SNED1: variants seen among roughly 807,000 people sequenced by gnomAD.
SNED1 encodes the protein sushi, nidogen and EGF-like domain-containing protein 1.
In SNED1, 81 loss-of-function variants were observed where a neutral mutation model predicts 166.7. The observed-to-expected ratio is 0.49, with a 90% CI of 0.41 to 0.58. The LOEUF is 0.58. Ranked by LOEUF, SNED1 falls within the 20% of genes least tolerant of loss-of-function variation. SNED1 has a pLI of 0.00. For missense variants in SNED1, 1,604 were observed against 2,000.2 expected (o/e 0.80, Z 3.78); for synonymous variants, 762 against 822.0 (o/e 0.93, Z 1.25).
intron 1 of SNED1, among the ~76,000 whole-genome samples, chr2:241,023,950 C>T (rs80286486): frequency 0.037 from 4,415 of 120,190 alleles, 86 homozygotes; most frequent in Middle Eastern, 0.09. Flanking sequence ...AGTGCAGTGA[C>T]GGAATCTCTG....
intron 31 of SNED1, among the ~76,000 whole-genome samples, chr2:241,090,868 CAAAAA>C (rs371271027): frequency 2.0e-5 from 2 of 100,792 alleles, no homozygotes; most frequent in African/African-American, 3.8e-5. Flanking sequence ...CCCTCTGTCT[CAAAAA>C]AAAAAAAAAA....
chr2:241,078,177 GT>G lies in SNED1; in HGVS notation c.3917-3498del, dbSNP rs564361827. Among the ~76,000 whole-genome samples the G allele has an allele frequency of 4.0e-3, 608 of 151,958 alleles. 13 individuals are homozygous for G. The highest frequency in any genetic ancestry group is 0.013 in the African/African-American group (552 of 41,296). ...AGGCGGGCAGATCACCAGGTCAGGC[GT>G]TCGAGACAAGTCTGGCCAACGCGGT... On this transcript the variant is annotated intron_variant, in intron 27 of 31. Coordinates refer to ENST00000310397, the MANE Select transcript of SNED1 (RefSeq NM_001080437.3).
chr2:241,066,552 A>G (rs1263105255), intron 21 of SNED1, among the ~76,000 whole-genome samples: 2 of 151,508 alleles, frequency 1.3e-5, no homozygotes, highest in Non-Finnish European at 2.9e-5. Flanking sequence ...AGGAGCAAGA[A>G]TGGGGAAGGG....
Position 241,030,388 on chromosome 2 carries a change from A to G in SNED1, c.318A>G (p.Ala106=). The change falls in exon 2 of 32, where the codon GCA becomes GCG. Residue 106 remains alanine, a synonymous_variant. Transcript: ENST00000310397. ...KDRCVVAAFW[A]DVDNRRAGDV... ...GCTGCGTGGTGGCAGCCTTCTGGGC[A>G]GATGTGGACAACCGGCGTGCAGGCG... 1 of 1,612,884 alleles carries G rather than the reference A, an allele frequency of 6.2e-7. No individual in the cohort carries two copies. The highest frequency in any genetic ancestry group is 8.5e-7 in the Non-Finnish European group (1 of 1,179,518).
At chr2:241,077,467 A>G (rs1369623189) in intron 27 of SNED1, among the ~76,000 whole-genome samples, 1 of 152,200 alleles carries the variant, frequency 6.6e-6, no homozygotes, top group Non-Finnish European at 1.5e-5. Context: ...GGATGCCATC[A>G]AGGAAGTGAC....
intron 31 of SNED1, 86 bp downstream of exon 31, chr2:241,088,488 G>A (rs898931023): frequency 8.2e-5 from 89 of 1,086,544 alleles, no homozygotes; most frequent in Non-Finnish European, 1.2e-4. Context: ...TCAGAGTGCC[G>A]CTGCCTGCTT....
intron 1 of SNED1, among the ~76,000 whole-genome samples, chr2:241,009,752 C>G (rs1004075872): frequency 1.1e-4 from 16 of 152,164 alleles, no homozygotes; most frequent in African/African-American, 3.1e-4. Context: ...GGTGGTAGCT[C>G]TCTTCCCTCC....
At chr2:241,001,926 A>C (rs1039787363) in intron 1 of SNED1, among the ~76,000 whole-genome samples, 5 of 151,914 alleles carry the variant, frequency 3.3e-5, no homozygotes, top group Non-Finnish European at 7.4e-5. Flanking sequence ...AGTCAGACTG[A>C]CCCTCGCTGG....
At chr2:241,036,297 C>T (rs1163005134) in intron 4 of SNED1, among the ~76,000 whole-genome samples, 4 of 151,676 alleles carry the variant, frequency 2.6e-5, no homozygotes, top group African/African-American at 2.4e-5. Context: ...TTAGGGAGTC[C>T]GGGCTCACGG....
intron 16 of SNED1, among the ~76,000 whole-genome samples, chr2:241,054,264 G>A (rs1448052493): frequency 6.6e-6 from 1 of 152,160 alleles, no homozygotes; most frequent in African/African-American, 2.4e-5. Flanking sequence ...AGGATATCGA[G>A]ACACCTGAAA....
In SNED1 at chr2:241,037,157, G is replaced by A. The variant is rs750922517; in HGVS notation, c.932-83G>A. ...CCAATCTCGGGCTTGCTCCTCCTCCGTCCCCGGCCCAACCCGAGCCCTTAG... is the reference window on the plus strand; with the variant it reads ...CCAATCTCGGGCTTGCTCCTCCTCCATCCCCGGCCCAACCCGAGCCCTTAG... On this transcript the variant is annotated intron_variant, in intron 5 of 31. Coordinates refer to ENST00000310397, the MANE Select transcript of SNED1 (RefSeq NM_001080437.3). 46 of 1,255,364 alleles carry A rather than the reference G, an allele frequency of 3.7e-5. No homozygotes were observed. In the East Asian group the frequency reaches 5.1e-4, roughly 14 times the overall value. The allele number at this position is 1,255,364 out of a possible 1,614,324, so 77.8% of individuals were successfully genotyped here.
intron 31 of SNED1, among the ~76,000 whole-genome samples, chr2:241,090,882 AAAG>A (rs2063924055): frequency 6.6e-6 from 1 of 151,986 alleles, no homozygotes; most frequent in African/African-American, 2.4e-5. Flanking sequence ...AAAAAAAAAA[AAAG>A]AAAAAAGAAT....
rs529598198 is a variant in SNED1 at position 241,078,256 on chromosome 2, G to A, written c.3917-3421G>A. Among the ~76,000 whole-genome samples the A allele has an allele frequency of 3.3e-3, 494 of 151,654 alleles. 4 individuals are homozygous for A. Among genetic ancestry groups the A allele is most frequent in the Non-Finnish European group, 3.9e-3 (265 of 67,972 alleles). ...AAATTAGCTGGGCGTGGTGGCGGGC[G>A]CCTGTAGTCCCAGCTCCTCAGGAGG... On this transcript the variant is annotated intron_variant, in intron 27 of 31. Coordinates refer to ENST00000310397, the MANE Select transcript of SNED1 (RefSeq NM_001080437.3).
chr2:241,089,301 G>A (rs539696753), intron 31 of SNED1: 32 of 1,549,720 alleles, frequency 2.1e-5, no homozygotes, highest in African/African-American at 4.1e-5. Flanking sequence ...TCCTGGTGGC[G>A]CAGATGAGTG....
intron 18 of SNED1, 99 bp from the exon 19 acceptor site, chr2:241,063,913 C>T (rs531451596): frequency 6.3e-5 from 60 of 959,810 alleles, no homozygotes; most frequent in South Asian, 1.6e-4. Context: ...TCCTGGCCTC[C>T]GCCCCTAGAC....
intron 16 of SNED1, among the ~76,000 whole-genome samples, chr2:241,054,709 G>T (rs538997309): frequency 1.3e-5 from 2 of 152,358 alleles, no homozygotes; most frequent in African/African-American, 4.8e-5. Context: ...TATAATAGTT[G>T]AAATAACAGA....
chr2:241,040,619 G>A (rs1457762385), intron 8 of SNED1, among the ~76,000 whole-genome samples: 3 of 152,216 alleles, frequency 2.0e-5, no homozygotes, highest in African/African-American at 7.2e-5. Context: ...GGGAAAATAG[G>A]AAGCAAAAGA....
At chr2:241,037,376 CA>C in intron 6 of SNED1, 23 bp downstream of exon 6, 1 of 1,516,260 alleles carries the variant, frequency 6.6e-7, no homozygotes, top group Non-Finnish European at 9.1e-7. Flanking sequence ...CACCGGGGCC[CA>C]CGGGGCCCTG....
In SNED1 at chr2:241,073,105, G is replaced by T; in HGVS notation, c.3818-161G>T. 2 of 596,070 alleles carry T rather than the reference G, an allele frequency of 3.4e-6. No homozygotes were observed. The highest frequency in any genetic ancestry group is 6.0e-6 in the Non-Finnish European group (2 of 335,516). 36.9% of individuals were successfully genotyped at this position (596,070 alleles called of 1,614,324 possible). A position where few individuals can be genotyped will look rare whatever the true frequency, so the allele number is the denominator to read the frequency against. Reference sequence around the variant, plus strand: ...GGGTGAGGCCAGCCCTTCAGGGGAGGCAGCTCTGGGGCCGACAGGTGCTGG... The same window carrying T: ...GGGTGAGGCCAGCCCTTCAGGGGAGTCAGCTCTGGGGCCGACAGGTGCTGG... On this transcript the variant is annotated intron_variant, in intron 26 of 31. Coordinates refer to ENST00000310397, the MANE Select transcript of SNED1 (RefSeq NM_001080437.3). The surrounding 1 kb of genome is among the most constrained non-coding windows in gnomAD (Gnocchi z 6.6).
Sources: allele counts gnomAD v4.1 joint callset (sites outside exome capture counted in the v4.1 genomes callset), GRCh38; gene constraint gnomAD v4.1.1; non-coding constraint Gnocchi (gnomAD v3.1); transcripts MANE v1.5; gene names NCBI Gene and HGNC (gene_info 2026-07-23, HGNC 2026-07-21).